Variants in DNM3 observed in about 807,000 individuals in gnomAD.
DNM3 encodes the protein dynamin-3.
A neutral mutation model predicts 101.6 loss-of-function variants in DNM3; 47 were observed. The observed-to-expected ratio is 0.46, with a 90% CI of 0.37 to 0.59. DNM3 has a LOEUF of 0.59. DNM3 is among the 20% of genes least tolerant of loss of function. The pLI, the probability that DNM3 is intolerant of heterozygous loss-of-function variation, is 0.00. For missense variants in DNM3, 849 were observed against 1,085.7 expected (o/e 0.78, Z 3.06); for synonymous variants, 385 against 387.9 (o/e 0.99, Z 0.09).
intron 4 of DNM3, among the ~76,000 whole-genome samples, chr1:172,002,524 T>A (rs1219552110): frequency 6.6e-6 from 1 of 152,076 alleles, no homozygotes; most frequent in East Asian, 1.9e-4. Flanking sequence ...AAAGAGTAGA[T>A]CATTTATCTG....
intron 14 of DNM3, among the ~76,000 whole-genome samples, chr1:172,162,956 G>A (rs528822517): frequency 1.3e-5 from 2 of 152,138 alleles, no homozygotes; most frequent in South Asian, 2.1e-4. Flanking sequence ...ACTTACATAA[G>A]CCAGTTTTTG....
chr1:171,918,787 A>G (rs764632550), intron 1 of DNM3, among the ~76,000 whole-genome samples: 2 of 152,168 alleles, frequency 1.3e-5, no homozygotes, highest in Non-Finnish European at 2.9e-5. Context: ...TGTTAGATGT[A>G]TCTGTGTATT....
intron 20 of DNM3, among the ~76,000 whole-genome samples, chr1:172,402,973 A>G (rs1389009800): frequency 1.3e-5 from 2 of 152,186 alleles, no homozygotes; most frequent in African/African-American, 4.8e-5. Flanking sequence ...GACCAGCAGC[A>G]TCTGGGAACT....
At chr1:172,171,767 C>T (rs2058969719) in intron 14 of DNM3, among the ~76,000 whole-genome samples, 1 of 151,628 alleles carries the variant, frequency 6.6e-6, no homozygotes, top group Non-Finnish European at 1.5e-5. Context: ...CCAATACTTA[C>T]CGTGTGGTTA....
At chr1:172,294,867 G>A (rs975700056) in intron 15 of DNM3, among the ~76,000 whole-genome samples, 4 of 148,488 alleles carry the variant, frequency 2.7e-5, no homozygotes, top group Non-Finnish European at 4.4e-5. Context: ...AGCCAAGATC[G>A]CGCCACTGCA....
At chr1:171,926,621 C>T (rs2040596278) in intron 2 of DNM3, among the ~76,000 whole-genome samples, 1 of 152,102 alleles carries the variant, frequency 6.6e-6, no homozygotes. Context: ...ATTACCCTTG[C>T]TTTGTGGTAA....
At chr1:172,109,010 AATT>A (rs2055263568) in intron 13 of DNM3, among the ~76,000 whole-genome samples, 2 of 152,212 alleles carry the variant, frequency 1.3e-5, no homozygotes, top group African/African-American at 4.8e-5. Flanking sequence ...TAATGCCTAT[AATT>A]ATTATTTGTT....
At chr1:172,323,222 TA>T (rs1212243562) in intron 16 of DNM3, 106 bp from the exon 17 acceptor site, 3 of 1,231,002 alleles carry the variant, frequency 2.4e-6, no homozygotes, top group African/African-American at 1.5e-5. Flanking sequence ...AACCTCATTT[TA>T]TTTTTTTTAA....
intron 2 of DNM3, among the ~76,000 whole-genome samples, chr1:171,955,654 G>A (rs1247482199): frequency 6.6e-6 from 1 of 152,178 alleles, no homozygotes; most frequent in Non-Finnish European, 1.5e-5. Flanking sequence ...GCCCTAATAG[G>A]TGAGAGGCAT....
At chr1:172,160,799 G>A (rs948025762) in intron 14 of DNM3, among the ~76,000 whole-genome samples, 8 of 152,012 alleles carry the variant, frequency 5.3e-5, no homozygotes, top group African/African-American at 1.9e-4. Context: ...ATAATTGTAT[G>A]TGCTAGACTT....
intron 14 of DNM3, among the ~76,000 whole-genome samples, chr1:172,216,326 T>C (rs2060697663): frequency 6.6e-6 from 1 of 152,146 alleles, no homozygotes; most frequent in Non-Finnish European, 1.5e-5. Context: ...TTGACTTCCT[T>C]ATTAGTGACT....
downstream of DNM3, among the ~76,000 whole-genome samples, chr1:172,416,674 G>A (rs1407124819): frequency 6.6e-6 from 1 of 152,146 alleles, no homozygotes; most frequent in African/African-American, 2.4e-5. Context: ...TCCCCACCCT[G>A]CTGAGGTCAT....
At chr1:171,979,541 G>A (rs182664154) in intron 2 of DNM3, among the ~76,000 whole-genome samples, 1 of 152,270 alleles carries the variant, frequency 6.6e-6, no homozygotes, top group Admixed American at 6.5e-5. Context: ...ATAGAACTAA[G>A]TTGAGCTATG....
intron 15 of DNM3, among the ~76,000 whole-genome samples, chr1:172,271,285 A>G (rs1341749734): frequency 3.3e-5 from 5 of 152,264 alleles, no homozygotes; most frequent in East Asian, 1.9e-4. Flanking sequence ...ATAAGCTTTT[A>G]TCAGCACACC....
chr1:172,096,515 G>C (rs2054255469), intron 13 of DNM3, among the ~76,000 whole-genome samples: 1 of 152,186 alleles, frequency 6.6e-6, no homozygotes, highest in African/African-American at 2.4e-5. Context: ...CAAAAAATCT[G>C]TGATAAATTG....
At chr1:172,078,376 G>A (rs2125978926) in intron 11 of DNM3, among the ~76,000 whole-genome samples, 1 of 152,020 alleles carries the variant, frequency 6.6e-6, no homozygotes, top group South Asian at 2.1e-4. Flanking sequence ...ACAGGCATGA[G>A]CCACTGCACC....
chr1:172,205,900 C>T (rs2060305661), intron 14 of DNM3, among the ~76,000 whole-genome samples: 1 of 152,098 alleles, frequency 6.6e-6, no homozygotes, highest in South Asian at 2.1e-4. Context: ...CAGTACATGA[C>T]ATTAAAATCT....
At chr1:172,223,407 T>C (rs1026981362) in intron 14 of DNM3, among the ~76,000 whole-genome samples, 1 of 152,038 alleles carries the variant, frequency 6.6e-6, no homozygotes, top group Admixed American at 6.6e-5. Context: ...AAAAATCCCA[T>C]ATATCACTAT....
At chr1:172,000,032 G>A (rs917423268) in intron 4 of DNM3, among the ~76,000 whole-genome samples, 19 of 152,088 alleles carry the variant, frequency 1.2e-4, no homozygotes, top group Non-Finnish European at 5.9e-5. Context: ...TGTTATGACA[G>A]CCCTAGGGAA....
Sources: allele counts gnomAD v4.1 joint callset (sites outside exome capture counted in the v4.1 genomes callset), GRCh38; gene constraint gnomAD v4.1.1; transcripts MANE v1.5; gene names NCBI Gene and HGNC (gene_info 2026-07-23, HGNC 2026-07-21).